CDH18: variants seen among roughly 807,000 people sequenced by gnomAD.
The protein encoded by CDH18 is cadherin-18.
Under a neutral mutation model 67.9 loss-of-function variants are expected in CDH18, and 31 were observed. That is an observed-to-expected ratio of 0.46 (90% CI 0.34 to 0.62). The LOEUF (loss-of-function observed/expected upper bound fraction) is 0.62. Among genes scored for constraint, CDH18 ranks in the 20% least tolerant of loss-of-function variants. The pLI, the probability that CDH18 is intolerant of heterozygous loss-of-function variation, is 0.01. For missense variants in CDH18, 890 were observed against 975.5 expected, an observed-to-expected ratio of 0.91 and a Z score of 1.17; for synonymous variants, 362 against 347.2, an observed-to-expected ratio of 1.04 and a Z score of -0.48.
chr5:20,061,536 T>C (rs530346247), intron 2 of CDH18, among the ~76,000 whole-genome samples: 3 of 152,214 alleles, frequency 2.0e-5, no homozygotes, highest in Non-Finnish European at 2.9e-5. Flanking sequence ...ACTTGTTTGA[T>C]GTACATGCAG....
intron 4 of CDH18, among the ~76,000 whole-genome samples, chr5:19,725,157 A>C (rs956920553): frequency 7.2e-5 from 11 of 151,870 alleles, no homozygotes; most frequent in Admixed American, 2.0e-4. Flanking sequence ...CGATCTCCTG[A>C]CCTCGTGATC....
chr5:19,668,088 C>T (rs987610523), intron 5 of CDH18, among the ~76,000 whole-genome samples: 2 of 151,942 alleles, frequency 1.3e-5, no homozygotes, highest in Non-Finnish European at 2.9e-5. Context: ...AATGACAAAG[C>T]CTTTTTCACT....
chr5:19,657,391 C>A (rs1373044650), intron 5 of CDH18, among the ~76,000 whole-genome samples: 2 of 152,032 alleles, frequency 1.3e-5, no homozygotes, highest in Non-Finnish European at 2.9e-5. Context: ...ATAAATCACA[C>A]AATCCAAATT....
intron 2 of CDH18, among the ~76,000 whole-genome samples, chr5:20,108,435 G>A (rs992031585): frequency 1.1e-4 from 16 of 152,086 alleles, no homozygotes; most frequent in East Asian, 3.9e-4. Context: ...GTCTTATTTC[G>A]AGGAACTAGG....
At chr5:19,744,842 C>A (rs571179484) in intron 4 of CDH18, among the ~76,000 whole-genome samples, 2 of 152,166 alleles carry the variant, frequency 1.3e-5, no homozygotes, top group South Asian at 4.1e-4. Context: ...TTTTAAAAAT[C>A]TGAATGTTTT....
intron 2 of CDH18, among the ~76,000 whole-genome samples, chr5:20,241,029 A>T (rs1742853867): frequency 6.6e-6 from 1 of 152,208 alleles, no homozygotes; most frequent in Admixed American, 6.5e-5. Flanking sequence ...ATAAATTACC[A>T]AATTAGAACA....
At chr5:19,811,508 A>G (rs1778742084) in intron 3 of CDH18, among the ~76,000 whole-genome samples, 1 of 151,974 alleles carries the variant, frequency 6.6e-6, no homozygotes, top group Admixed American at 6.6e-5. Context: ...TCATGATTTC[A>G]GACTTCCAGC....
At chr5:19,538,752 C>T (rs558156828) in intron 9 of CDH18, among the ~76,000 whole-genome samples, 1 of 152,120 alleles carries the variant, frequency 6.6e-6, no homozygotes, top group Admixed American at 6.6e-5. Flanking sequence ...CTGTTTTTCC[C>T]TTGCCCTCAT....
chr5:19,521,252 CAG>C (rs1271323006), intron 9 of CDH18, among the ~76,000 whole-genome samples: 6 of 152,052 alleles, frequency 3.9e-5, no homozygotes, highest in African/African-American at 9.7e-5. Flanking sequence ...AGAATATATG[CAG>C]AGTGTGATGT....
chr5:19,690,279 C>CA (rs1053727102), intron 5 of CDH18, among the ~76,000 whole-genome samples: 1 of 151,206 alleles, frequency 6.6e-6, no homozygotes, highest in Admixed American at 6.6e-5. Flanking sequence ...AACAACACAC[C>CA]AAAACCTATT....
intron 2 of CDH18, among the ~76,000 whole-genome samples, chr5:20,066,605 G>A (rs780992723): frequency 6.6e-6 from 1 of 151,926 alleles, no homozygotes; most frequent in African/African-American, 2.4e-5. Flanking sequence ...TAAATTTAAA[G>A]TATCCAATTT....
chr5:20,340,675 A>T (rs945495014), intron 1 of CDH18, among the ~76,000 whole-genome samples: 1 of 151,962 alleles, frequency 6.6e-6, no homozygotes, highest in Non-Finnish European at 1.5e-5. Flanking sequence ...TGCTATTACC[A>T]TCTAGGAGCC....
chr5:19,655,985 TC>T (rs1756319948), intron 5 of CDH18, among the ~76,000 whole-genome samples: 1 of 141,280 alleles, frequency 7.1e-6, no homozygotes, highest in Non-Finnish European at 1.5e-5. Context: ...TCTACTCACT[TC>T]TTTTTTTTTT....
chr5:20,222,714 T>TA (rs1741327745), intron 2 of CDH18, among the ~76,000 whole-genome samples: 1 of 151,962 alleles, frequency 6.6e-6, no homozygotes, highest in Non-Finnish European at 1.5e-5. Flanking sequence ...ACTATGTAAT[T>TA]AAGAGTTTGA....
At chr5:19,714,230 C>T (rs765894796) in intron 5 of CDH18, among the ~76,000 whole-genome samples, 1 of 152,094 alleles carries the variant, frequency 6.6e-6, no homozygotes, top group African/African-American at 2.4e-5. Flanking sequence ...CCTCAGTGGC[C>T]TCACTGGCCA....
At chr5:20,293,668 G>T (rs1014353010) in intron 1 of CDH18, among the ~76,000 whole-genome samples, 12 of 152,178 alleles carry the variant, frequency 7.9e-5, no homozygotes, top group African/African-American at 2.9e-4. Flanking sequence ...ACCAATTTTA[G>T]AAAGGAGCTT....
chr5:20,428,713 CAT>C (rs1337590987), intron 1 of CDH18, among the ~76,000 whole-genome samples: 1 of 152,082 alleles, frequency 6.6e-6, no homozygotes, highest in African/African-American at 2.4e-5. Flanking sequence ...CACTTTTTTT[CAT>C]ATGTTTGTGA....
intron 8 of CDH18, among the ~76,000 whole-genome samples, chr5:19,551,781 C>T (rs1251658689): frequency 1.3e-5 from 2 of 152,120 alleles, no homozygotes; most frequent in East Asian, 1.9e-4. Flanking sequence ...AGGGTTACTA[C>T]TGAATAAACA....
chr5:20,429,599 G>T (rs959275145), intron 1 of CDH18, among the ~76,000 whole-genome samples: 1 of 149,568 alleles, frequency 6.7e-6, no homozygotes, highest in South Asian at 2.1e-4. Context: ...AAATATGAAT[G>T]GGGGGGCAAA....
Sources: allele counts gnomAD v4.1 joint callset (sites outside exome capture counted in the v4.1 genomes callset), GRCh38; gene constraint gnomAD v4.1.1; transcripts MANE v1.5; gene names NCBI Gene and HGNC (gene_info 2026-07-23, HGNC 2026-07-21).